Variants in MRPS31 observed in about 807,000 individuals in gnomAD.
MRPS31 encodes the protein small ribosomal subunit protein mS31.
In MRPS31, 32 loss-of-function variants were observed where a neutral mutation model predicts 43.1. That is an observed-to-expected ratio of 0.74 (90% confidence interval 0.56 to 1.00). The LOEUF is 1.00. MRPS31 is among the 50% of genes least tolerant of loss of function. MRPS31 has a pLI of 0.00. For synonymous variants in MRPS31, 165 were observed against 161.6 expected (o/e 1.02, Z -0.16); for missense variants, 437 against 466.7 (o/e 0.94, Z 0.59).
chr13:40,743,019 A>G (rs1461930201), intron 6 of MRPS31, among the ~76,000 whole-genome samples: 1 of 152,170 alleles, frequency 6.6e-6, no homozygotes, highest in Non-Finnish European at 1.5e-5. Context: ...CAAAGTCAAA[A>G]AGCAACTGTA....
chr13:40,741,088 A>G (rs1036432731), intron 6 of MRPS31, among the ~76,000 whole-genome samples: 17 of 151,978 alleles, frequency 1.1e-4, no homozygotes, highest in Non-Finnish European at 2.2e-4. Flanking sequence ...AGGAGAAGAT[A>G]TATATACTAG....
intron 5 of MRPS31, among the ~76,000 whole-genome samples, chr13:40,751,225 T>C (rs1291615057): frequency 3.9e-5 from 6 of 152,180 alleles, no homozygotes; most frequent in East Asian, 1.9e-4. Flanking sequence ...AATAACTTAA[T>C]TGTCTCAGTT....
At chr13:40,744,208 G>A (rs145581353) in intron 6 of MRPS31, among the ~76,000 whole-genome samples, 1 of 152,286 alleles carries the variant, frequency 6.6e-6, no homozygotes, top group East Asian at 1.9e-4. Flanking sequence ...TGAGGGTGGA[G>A]GGTGGGAGGA....
rs755050072 is a variant in MRPS31, at chr13:40,766,781, C to G, written c.405G>C (p.Arg135Ser). The G allele has an allele frequency of 1.9e-6, 3 of 1,612,480 alleles. No homozygotes were observed. Among genetic ancestry groups the G allele is most frequent in the Non-Finnish European group, 2.5e-6 (3 of 1,179,636 alleles). The change falls in exon 2 of 7, where the codon AGG (arginine) becomes AGC (serine). Residue 135 changes from arginine (R) to serine (S), a missense_variant. Transcript: ENST00000323563. ...GAGCATATTCTGTAGCTCTTCGAAG[C>G]CTGCCAAGTGTAGCTTCCAAACTTT... ...PLKSLEATLG[R>S]LRRATEYAPK...
intron 5 of MRPS31, among the ~76,000 whole-genome samples, chr13:40,750,508 T>C (rs916439433): frequency 6.6e-6 from 1 of 151,992 alleles, no homozygotes; most frequent in African/African-American, 2.4e-5. Flanking sequence ...ATACTTCAAA[T>C]ATATGCAATC....
intron 2 of MRPS31, among the ~76,000 whole-genome samples, chr13:40,761,033 T>C (rs1200115281): frequency 2.6e-5 from 4 of 151,676 alleles, no homozygotes; most frequent in Non-Finnish European, 5.9e-5. Flanking sequence ...TTCCAGCACT[T>C]TGGGAGGCTG....
chr13:40,732,945 G>GA (rs908540105), intron 6 of MRPS31, among the ~76,000 whole-genome samples: 8 of 147,324 alleles, frequency 5.4e-5, no homozygotes, highest in African/African-American at 1.0e-4. Context: ...ACACTTTGGG[G>GA]AAAAAAAATC....
At chr13:40,749,355 G>T in intron 5 of MRPS31, 74 bp from the exon 6 acceptor site, 1 of 1,213,802 alleles carries the variant, frequency 8.2e-7, no homozygotes, top group Non-Finnish European at 1.1e-6. Flanking sequence ...AACCAATCCT[G>T]AATTGACCAT....
At chr13:40,740,792 G>T (rs1295251987) in intron 6 of MRPS31, among the ~76,000 whole-genome samples, 3 of 114,354 alleles carry the variant, frequency 2.6e-5, no homozygotes, top group African/African-American at 9.9e-5. Context: ...GTGGTGGGGT[G>T]GGGGGAGGGG....
intron 6 of MRPS31, among the ~76,000 whole-genome samples, chr13:40,741,888 T>TACACAC (rs61011673): frequency 0.017 from 2,372 of 140,796 alleles, 45 homozygotes; most frequent in South Asian, 0.038. Context: ...AGTAACAAAA[T>TACACAC]ACACACACAC....
At chr13:40,760,875 G>A (rs535164264) in intron 2 of MRPS31, among the ~76,000 whole-genome samples, 4 of 152,050 alleles carry the variant, frequency 2.6e-5, no homozygotes, top group Admixed American at 6.6e-5. Context: ...TACCTAATAC[G>A]AAAGTTAAAC....
At chr13:40,743,925 C>T (rs1428029596) in intron 6 of MRPS31, among the ~76,000 whole-genome samples, 2 of 152,098 alleles carry the variant, frequency 1.3e-5, no homozygotes, top group Non-Finnish European at 2.9e-5. Context: ...GCACTATTCA[C>T]AATAGCAAAG....
At chr13:40,731,593 G>T (rs549545044) in intron 6 of MRPS31, among the ~76,000 whole-genome samples, 86 of 146,968 alleles carry the variant, frequency 5.9e-4, no homozygotes, top group Admixed American at 2.2e-3. Context: ...AAAAAAAAAA[G>T]AAAAAGAAAA....
At position 40,771,167 on chromosome 13, in the gene MRPS31, A is replaced by T. The variant is rs749153113; in HGVS notation, c.-31T>A. The stretch of plus-strand genomic sequence containing the variant: ...AGACACGAAATGAACCAAGAACACA[A>T]CTGAAATGGTGCGTCCCGCTGCCAA... On this transcript the variant is annotated 5_prime_UTR_variant, in exon 1 of 7. In the 5' UTR this introduces an upstream ATG that the reference lacks. Transcript: ENST00000323563. 4.5e-6 allele frequency: 7 copies of T among 1,568,488 alleles called. No homozygotes were observed. The highest frequency in any genetic ancestry group is 6.1e-6 in the Non-Finnish European group (7 of 1,153,904).
rs532593753 is a variant in MRPS31 at position 40,765,903 on chromosome 13, A to C, written c.440+843T>G. Among the ~76,000 whole-genome samples, 5 of 152,348 alleles carry C rather than the reference A, an allele frequency of 3.3e-5. No individual in the cohort carries two copies. In the South Asian group the frequency reaches 1.0e-3, roughly 32 times the overall value. On this transcript the variant is annotated intron_variant, in intron 2 of 6. Transcript: ENST00000323563. The stretch of plus-strand genomic sequence containing the variant: ...CTGATTGCATTTAGAATTAAATATA[A>C]TACTCTTTTGACAAACACAAATAAT...
intron 6 of MRPS31, among the ~76,000 whole-genome samples, chr13:40,741,044 C>A (rs1404292380): frequency 6.6e-6 from 1 of 150,484 alleles, no homozygotes; most frequent in Non-Finnish European, 1.5e-5. Flanking sequence ...TCATGTCTTA[C>A]AAAAAATTGT....
Position 40,759,043 on chromosome 13 carries a change from A to G in MRPS31, c.504T>C (p.Phe168=). 6.2e-7 allele frequency: 1 copy of G among 1,608,928 alleles called. No homozygotes were observed. The highest frequency in any genetic ancestry group is 8.5e-7 in the Non-Finnish European group (1 of 1,177,966). ...AASAVADSLP[F]DKQTTKSELL... is the part of the protein sequence containing the mutation. Reference sequence around the variant, plus strand: ...GCTCTGACTTGGTTGTTTGCTTATCAAAAGGGAGAGAATCTGCCACAGCAG... The same window carrying G: ...GCTCTGACTTGGTTGTTTGCTTATCGAAAGGGAGAGAATCTGCCACAGCAG... The change falls in exon 3 of 7, where the codon TTT becomes TTC. Residue 168 remains phenylalanine, a synonymous_variant. Coordinates refer to ENST00000323563, the MANE Select transcript of MRPS31 (RefSeq NM_005830.4).
At chr13:40,751,670 T>C (rs1880394459) in intron 5 of MRPS31, among the ~76,000 whole-genome samples, 1 of 152,220 alleles carries the variant, frequency 6.6e-6, no homozygotes. Flanking sequence ...TCCAGCATTA[T>C]TTCAGGTGGT....
rs1165183918 is a variant in MRPS31, at chr13:40,758,858, G to A, written c.599+90C>T. ...TTTATATACAAATTCCACTTACGTG[G>A]TATATATTATGTGTATTACTCACTA... On this transcript the variant is annotated intron_variant, in intron 3 of 6. Coordinates refer to ENST00000323563, the MANE Select transcript of MRPS31 (RefSeq NM_005830.4). 5 of 1,166,648 alleles carry A rather than the reference G, an allele frequency of 4.3e-6. No homozygotes were observed. The African/African-American group carries it at 6.3e-5, about 15-fold the overall frequency. The allele number at this position is 1,166,648 out of a possible 1,614,324, so 72.3% of individuals were successfully genotyped here. A position where few individuals can be genotyped will look rare whatever the true frequency, so the allele number is the denominator to read the frequency against.
Sources: gnomAD v4.1 joint callset for allele counts (sites outside exome capture counted in the v4.1 genomes callset) on GRCh38, gnomAD v4.1.1 for gene constraint, MANE v1.5 for transcripts, NCBI Gene and HGNC (gene_info 2026-07-23, HGNC 2026-07-21) for gene names.